RIMBP2: variants seen among roughly 807,000 people sequenced by gnomAD.
The protein encoded by RIMBP2 is RIMS binding protein 2.
RIMBP2 carries 48 observed loss-of-function variants against 118.6 expected under a neutral mutation model. That is an observed-to-expected ratio of 0.40 (90% CI 0.32 to 0.51). The LOEUF (loss-of-function observed/expected upper bound fraction) is 0.51, where lower values mean the gene tolerates loss of function less well. Ranked by LOEUF, RIMBP2 falls within the 20% of genes least tolerant of loss-of-function variation. The pLI is 0.41. For missense variants in RIMBP2, 1,551 were observed against 1,768.3 expected, an observed-to-expected ratio of 0.88 and a Z score of 2.20; for synonymous variants, 762 against 742.9, an observed-to-expected ratio of 1.03 and a Z score of -0.42.
At chr12:130,640,969 A>G (rs1465527686) in intron 1 of RIMBP2, among the ~76,000 whole-genome samples, 1 of 152,242 alleles carries the variant, frequency 6.6e-6, no homozygotes, top group Non-Finnish European at 1.5e-5. Context: ...CATCAACCAA[A>G]GAAAGGGCAG....
At chr12:130,503,488 A>G (rs577289577) in intron 4 of RIMBP2, among the ~76,000 whole-genome samples, 92 of 152,264 alleles carry the variant, frequency 6.0e-4, no homozygotes, top group African/African-American at 2.1e-3. Context: ...TTCCTCCCCA[A>G]TCCTCCTTGC....
chr12:130,687,965 G>T (rs1241000553), intron 1 of RIMBP2, among the ~76,000 whole-genome samples: 2 of 152,196 alleles, frequency 1.3e-5, no homozygotes, highest in Non-Finnish European at 2.9e-5. Context: ...TGCGATTTTA[G>T]AAATTATTAC....
chr12:130,466,413 G>C (rs2080481096), intron 6 of RIMBP2: 1 of 152,126 alleles, frequency 6.6e-6, no homozygotes, highest in African/African-American at 2.4e-5. Flanking sequence ...TTCACGCAGA[G>C]CAACCAAGAA....
At chr12:130,646,592 GC>G (rs1315906862) in intron 1 of RIMBP2, among the ~76,000 whole-genome samples, 4 of 151,252 alleles carry the variant, frequency 2.6e-5, no homozygotes, top group Admixed American at 2.0e-4. Context: ...GCAAGCACAC[GC>G]ATCTCCACAA....
chr12:130,531,790 T>C (rs2053401431), intron 2 of RIMBP2, among the ~76,000 whole-genome samples: 1 of 152,250 alleles, frequency 6.6e-6, no homozygotes, highest in African/African-American at 2.4e-5. Flanking sequence ...GAGATTCTAG[T>C]AGGTGTCCCT....
intron 6 of RIMBP2, among the ~76,000 whole-genome samples, chr12:130,463,223 CT>C (rs1036389308): frequency 6.6e-6 from 1 of 152,298 alleles, no homozygotes; most frequent in African/African-American, 2.4e-5. Flanking sequence ...GCTGTCCTGT[CT>C]GGGTTTGGGA....
In RIMBP2 at chr12:130,578,969, T is replaced by C. The variant is rs1473479928; in HGVS notation, c.-217+49353A>G. ...GTGGGATTAAAAAAAGATGAGAAGT[T>C]GTCTCACATCCATTGGTTCAGATTT... is the stretch of plus-strand genomic sequence containing the variant. On this transcript the variant is annotated intron_variant, in intron 2 of 22. Coordinates refer to ENST00000690449, the MANE Select transcript of RIMBP2 (RefSeq NM_001393629.1). This position sits in a 1 kb window ranked among gnomAD's most constrained non-coding sequence, Gnocchi z 4.1. Among the ~76,000 whole-genome samples the C allele has an allele frequency of 2.0e-5, 3 of 152,178 alleles. No individual in the cohort carries two copies. The highest frequency in any genetic ancestry group is 1.3e-4 in the Admixed American group (2 of 15,284).
In RIMBP2 at chr12:130,446,991, T is replaced by C. The variant is rs1011296593; in HGVS notation, c.582-1722A>G. On this transcript the variant is annotated intron_variant, in intron 9 of 22. Coordinates refer to ENST00000690449, the MANE Select transcript of RIMBP2 (RefSeq NM_001393629.1). This position sits in a 1 kb window ranked among gnomAD's most constrained non-coding sequence, Gnocchi z 4.1. ...GTGAGCAGGCGGGGACACAAGTCAC[T>C]GAGTGGGGGTTTTCAGGGGGATCTG... is the stretch of plus-strand genomic sequence containing the variant. Among the ~76,000 whole-genome samples the C allele has an allele frequency of 8.3e-6, 1 of 121,156 alleles. No individual in the cohort carries two copies. The highest frequency in any genetic ancestry group is 1.7e-5 in the Non-Finnish European group (1 of 59,888). 79.5% of individuals were successfully genotyped at this position (121,156 alleles called of 152,430 possible).
At position 130,581,788 on chromosome 12, in the gene RIMBP2, T is replaced by C. The variant is rs1376461256; in HGVS notation, c.-217+46534A>G. Among the ~76,000 whole-genome samples, 2 of 152,238 alleles carry C rather than the reference T, an allele frequency of 1.3e-5. No individual in the cohort carries two copies. The highest frequency in any genetic ancestry group is 2.9e-5 in the Non-Finnish European group (2 of 68,038). The stretch of plus-strand genomic sequence containing the variant: ...CTCCTGGTCTGTTCTTACTCCCCAT[T>C]AGTAAGCTGTCAACATGGTGGCCAG... On this transcript the variant is annotated intron_variant, in intron 2 of 22. Transcript: ENST00000690449. The surrounding 1 kb of genome is among the most constrained non-coding windows in gnomAD (Gnocchi z 4.4).
At chr12:130,663,914 C>G (rs4759747) in intron 1 of RIMBP2, among the ~76,000 whole-genome samples, 81,107 of 151,382 alleles carry the variant, frequency 0.54, 22,930 homozygotes, top group Non-Finnish European at 0.62. Context: ...CTCACACATA[C>G]GAGGCAGGTT....
In RIMBP2 at chr12:130,713,027, G is replaced by A. The variant is rs117066652; in HGVS notation, c.-352+3195C>T. On this transcript the variant is annotated intron_variant, in intron 1 of 22. Transcript: ENST00000690449. ...GACACAAGCAGGGGTGAGTCAGAGA[G>A]AGAGACTGAGAGAGGGAGAGGAGGA... Among the ~76,000 whole-genome samples, 721 of 151,752 alleles carry A rather than the reference G, an allele frequency of 4.8e-3. 4 individuals are homozygous for A. Among genetic ancestry groups the A allele is most frequent in the Non-Finnish European group, 6.4e-3 (436 of 67,970 alleles).
chr12:130,540,545 T>G (rs2054513312), intron 2 of RIMBP2, among the ~76,000 whole-genome samples: 1 of 152,174 alleles, frequency 6.6e-6, no homozygotes, highest in Admixed American at 6.5e-5. Flanking sequence ...ATCATGGAAC[T>G]GAAACTCACC....
intron 21 of RIMBP2, among the ~76,000 whole-genome samples, chr12:130,401,915 G>A (rs1763778598): frequency 6.6e-6 from 1 of 152,108 alleles, no homozygotes; most frequent in African/African-American, 2.4e-5. Context: ...CTCCGCTGGT[G>A]TCATGCTCAC....
intron 2 of RIMBP2, among the ~76,000 whole-genome samples, chr12:130,601,284 A>G (rs1347229890): frequency 6.7e-6 from 1 of 149,378 alleles, no homozygotes; most frequent in Non-Finnish European, 1.5e-5. Flanking sequence ...TCAACTGCCT[A>G]AAAGCCACGG....
intron 19 of RIMBP2, 54 bp from the exon 20 acceptor site, chr12:130,407,883 G>T (rs2075324310): frequency 1.3e-6 from 2 of 1,517,544 alleles, no homozygotes; most frequent in Admixed American, 1.7e-5. Context: ...TTCAAACTTA[G>T]CGGTGTTCCC....
chr12:130,663,089 A>T (rs1202667149), intron 1 of RIMBP2, among the ~76,000 whole-genome samples: 1 of 152,192 alleles, frequency 6.6e-6, no homozygotes, highest in Admixed American at 6.5e-5. Flanking sequence ...TGGCTCTAAC[A>T]CCTTCAACCA....
intron 1 of RIMBP2, among the ~76,000 whole-genome samples, chr12:130,691,902 G>A (rs1250091402): frequency 1.3e-5 from 2 of 152,212 alleles, no homozygotes; most frequent in African/African-American, 4.8e-5. Flanking sequence ...GGTGGTTAGA[G>A]CGGGTCTGGA....
At chr12:130,575,818 G>A (rs1260566168) in intron 2 of RIMBP2, among the ~76,000 whole-genome samples, 1 of 152,210 alleles carries the variant, frequency 6.6e-6, no homozygotes, top group South Asian at 2.1e-4. Context: ...CTCCTAAGTC[G>A]TGTCTGTTGA....
intron 1 of RIMBP2, among the ~76,000 whole-genome samples, chr12:130,709,029 A>C: frequency 6.6e-6 from 1 of 152,276 alleles, no homozygotes. Flanking sequence ...GGCCTGCCGC[A>C]GAAGGGCTGT....
Sources: gnomAD v4.1 joint callset for allele counts (sites outside exome capture counted in the v4.1 genomes callset) on GRCh38, gnomAD v4.1.1 for gene constraint, Gnocchi (gnomAD v3.1) non-coding constraint, MANE v1.5 for transcripts, NCBI Gene and HGNC (gene_info 2026-07-23, HGNC 2026-07-21) for gene names.